Variants in RASGRF2 observed in about 807,000 individuals in gnomAD.
RASGRF2 encodes Ras protein specific guanine nucleotide releasing factor 2, also known as ras-specific guanine nucleotide-releasing factor 2.
In RASGRF2, 76 loss-of-function variants were observed where a neutral mutation model predicts 151.0. That is an observed-to-expected ratio of 0.50 (90% CI 0.42 to 0.61). RASGRF2 has a LOEUF of 0.61. Among genes scored for constraint, RASGRF2 ranks in the 20% least tolerant of loss-of-function variants. RASGRF2 has a pLI of 0.00. For synonymous variants in RASGRF2, 504 were observed against 566.5 expected, an observed-to-expected ratio of 0.89 and a Z score of 1.57; for missense variants, 1,148 against 1,564.6, an observed-to-expected ratio of 0.73 and a Z score of 4.49.
At chr5:81,031,318 A>G (rs1040207295) in intron 1 of RASGRF2, among the ~76,000 whole-genome samples, 19 of 152,104 alleles carry the variant, frequency 1.2e-4, no homozygotes, top group South Asian at 4.2e-4. Flanking sequence ...CATCTACAGA[A>G]CTCTCCACCC....
rs1050703567 is a variant in RASGRF2 at position 81,188,822 on chromosome 5, C to T, written c.2793+8541C>T. 3.9e-5 allele frequency among the ~76,000 whole-genome samples: 6 copies of T among 152,286 alleles called. No homozygotes were observed. The East Asian group carries it at 1.2e-3, about 29-fold the overall frequency. The stretch of plus-strand genomic sequence containing the variant: ...GGCAGCAGCAGGTTTCAGTCCCCGC[C>T]GTCTGGCTGCACAGTTTTTGCCGGG... On this transcript the variant is annotated intron_variant, in intron 18 of 26. Transcript: ENST00000265080.
intron 1 of RASGRF2, among the ~76,000 whole-genome samples, chr5:81,004,681 A>G (rs1245470432): frequency 6.6e-6 from 1 of 152,240 alleles, no homozygotes; most frequent in Non-Finnish European, 1.5e-5. Flanking sequence ...GGTGGTATAC[A>G]CAGCAATTTA....
At chr5:81,034,799 T>TGG (rs1750412394) in intron 1 of RASGRF2, among the ~76,000 whole-genome samples, 4 of 44,638 alleles carry the variant, frequency 9.0e-5, no homozygotes, top group Admixed American at 2.3e-4. Flanking sequence ...GGGACTGTTG[T>TGG]GGGGTGGGAG....
At chr5:80,963,303 G>T (rs981876348) in intron 1 of RASGRF2, among the ~76,000 whole-genome samples, 1 of 152,132 alleles carries the variant, frequency 6.6e-6, no homozygotes, top group Non-Finnish European at 1.5e-5. Flanking sequence ...TATGCTTCTG[G>T]AGCTTTCCAT....
At chr5:80,994,341 G>C (rs551484675) in intron 1 of RASGRF2, among the ~76,000 whole-genome samples, 2 of 147,086 alleles carry the variant, frequency 1.4e-5, no homozygotes, top group African/African-American at 5.1e-5. Context: ...ACTCCAGCCT[G>C]GGCGACAGAG....
intron 5 of RASGRF2, among the ~76,000 whole-genome samples, chr5:81,078,033 A>G (rs1580287612): frequency 6.6e-6 from 1 of 152,378 alleles, no homozygotes; most frequent in East Asian, 1.9e-4. Context: ...ACTTAGATGG[A>G]GATTTGAAAA....
At chr5:81,146,557 T>C (rs1375368462) in intron 17 of RASGRF2, among the ~76,000 whole-genome samples, 2 of 152,126 alleles carry the variant, frequency 1.3e-5, no homozygotes, top group African/African-American at 2.4e-5. Context: ...TATATACTTA[T>C]TTTGTGATTC....
At chr5:81,094,711 T>C (rs1010052356) in intron 11 of RASGRF2, 145 bp from the exon 12 acceptor site, 55 of 863,472 alleles carry the variant, frequency 6.4e-5, no homozygotes, top group Non-Finnish European at 8.8e-5. Flanking sequence ...TAAAGCCCTC[T>C]TCATGCCTGA....
rs771188910 is a variant in RASGRF2, at chr5:81,086,334, G to A, written c.1271+423G>A. ...TTGAGACCAGCCTGGGCAACATAGCGAGACCCCATCTCAACAAAAAAGACT... is the reference window on the plus strand; with the variant it reads ...TTGAGACCAGCCTGGGCAACATAGCAAGACCCCATCTCAACAAAAAAGACT... On this transcript the variant is annotated intron_variant, in intron 8 of 26. Transcript: ENST00000265080. Among the ~76,000 whole-genome samples, 57 of 152,040 alleles carry A rather than the reference G, an allele frequency of 3.7e-4. 1 individual carries two copies. Among genetic ancestry groups the A allele is most frequent in the Admixed American group, 3.3e-4 (5 of 15,272 alleles).
intron 17 of RASGRF2, among the ~76,000 whole-genome samples, chr5:81,161,666 G>T (rs1754386663): frequency 6.6e-6 from 1 of 152,180 alleles, no homozygotes; most frequent in African/African-American, 2.4e-5. Flanking sequence ...TTCTACAGCT[G>T]CAGAGGATCT....
Position 81,073,252 on chromosome 5 carries a change from G to T in RASGRF2, c.687G>T (p.Val229=). Residue 229 remains valine (V), a synonymous_variant, in exon 5 of 27, where the codon GTG becomes GTT. Coordinates refer to ENST00000265080, the MANE Select transcript of RASGRF2 (RefSeq NM_006909.3). ...WLCRRKWKTI[V]QDYICSPHAE... ...GCAGAAGGAAATGGAAGACCATCGTGCAGGATTACATTTGTTCTCCTCATG... is the reference window on the plus strand; with the variant it reads ...GCAGAAGGAAATGGAAGACCATCGTTCAGGATTACATTTGTTCTCCTCATG... 2 of 1,613,896 alleles carry T rather than the reference G, an allele frequency of 1.2e-6. No homozygotes were observed. The highest frequency in any genetic ancestry group is 1.7e-6 in the Non-Finnish European group (2 of 1,179,766).
chr5:81,139,535 T>C (rs1753834702), intron 17 of RASGRF2, among the ~76,000 whole-genome samples: 1 of 151,974 alleles, frequency 6.6e-6, no homozygotes, highest in South Asian at 2.1e-4. Context: ...AAAATAACTT[T>C]TCGTATTTTT....
Position 81,180,154 on chromosome 5 carries a change from T to C in RASGRF2, c.2687-21T>C, listed in dbSNP as rs563784900. 5 of 1,429,038 alleles carry C rather than the reference T, an allele frequency of 3.5e-6. No homozygotes were observed. The East Asian group carries it at 1.1e-4, about 33-fold the overall frequency. The allele number at this position is 1,429,038 out of a possible 1,614,324, so 88.5% of individuals were successfully genotyped here. A position where few individuals can be genotyped will look rare whatever the true frequency, so the allele number is the denominator to read the frequency against. On this transcript the variant is annotated intron_variant, in intron 17 of 26. Transcript: ENST00000265080. Reference sequence around the variant, plus strand: ...GGAGTGGCTTTAACTGCAACACGTGTGTGTTTCTTTTTCTCCTAAGGCTTT... The same window carrying C: ...GGAGTGGCTTTAACTGCAACACGTGCGTGTTTCTTTTTCTCCTAAGGCTTT...
At chr5:80,989,625 C>G (rs540960863) in intron 1 of RASGRF2, among the ~76,000 whole-genome samples, 130 of 152,264 alleles carry the variant, frequency 8.5e-4, no homozygotes, top group Non-Finnish European at 1.5e-3. Flanking sequence ...CATAAAGTGC[C>G]ACATCGTGTT....
chr5:81,208,226 C>T, intron 21 of RASGRF2, 128 bp from the exon 22 acceptor site: 3 of 660,138 alleles, frequency 4.5e-6, no homozygotes, highest in East Asian at 2.8e-5. Context: ...CTGGCAGCAG[C>T]AGGTGTCAGG....
rs565207435 is a variant in RASGRF2 at position 80,976,200 on chromosome 5, T to C, written c.288+15174T>C. Among the ~76,000 whole-genome samples the C allele has an allele frequency of 3.9e-5, 6 of 152,288 alleles. No homozygotes were observed. In the South Asian group the frequency reaches 1.2e-3, roughly 32 times the overall value. ...ACTAACTTGTTAATTTTTATGAACA[T>C]TGTTTTGTGTTATACGACTGTAAGA... On this transcript the variant is annotated intron_variant, in intron 1 of 26. Transcript: ENST00000265080.
chr5:81,087,364 G>A (rs911712675), intron 9 of RASGRF2: 20 of 702,374 alleles, frequency 2.8e-5, no homozygotes, highest in Non-Finnish European at 5.2e-5. Context: ...TGTCCGAAGT[G>A]AAAACAGCTG....
intron 18 of RASGRF2, among the ~76,000 whole-genome samples, chr5:81,199,888 ACT>A (rs1755347581): frequency 8.7e-6 from 1 of 115,394 alleles, no homozygotes; most frequent in Non-Finnish European, 1.7e-5. Context: ...ACAGAGTGAG[ACT>A]CCATCTCAAA....
intron 1 of RASGRF2, among the ~76,000 whole-genome samples, chr5:81,036,294 T>C (rs2112378449): frequency 6.6e-6 from 1 of 152,208 alleles, no homozygotes; most frequent in East Asian, 1.9e-4. Flanking sequence ...ATTTTCCTCC[T>C]GCCATCTTCT....
Sources: allele counts gnomAD v4.1 joint callset (sites outside exome capture counted in the v4.1 genomes callset), GRCh38; gene constraint gnomAD v4.1.1; transcripts MANE v1.5; gene names NCBI Gene and HGNC (gene_info 2026-07-23, HGNC 2026-07-21).